DCC: variants seen among roughly 807,000 people sequenced by gnomAD.
DCC encodes netrin receptor DCC.
DCC carries 58 observed loss-of-function variants against 172.5 expected under a neutral mutation model. That is an observed-to-expected ratio of 0.34 (90% CI 0.27 to 0.42). The LOEUF is 0.42. DCC is among the 10% of genes least tolerant of loss of function. The pLI is 1.00. For missense variants in DCC, 1,740 were observed against 1,791.0 expected, an observed-to-expected ratio of 0.97 and a Z score of 0.51; for synonymous variants, 709 against 644.5, an observed-to-expected ratio of 1.10 and a Z score of -1.52.
intron 1 of DCC, among the ~76,000 whole-genome samples, chr18:52,584,445 G>T (rs533288802): frequency 2.0e-5 from 3 of 152,236 alleles, no homozygotes; most frequent in Middle Eastern, 3.4e-3. Context: ...AGAGAGACAG[G>T]ACCAAGCTGA....
chr18:53,157,652 A>G (rs1367181775), intron 8 of DCC, 140 bp downstream of exon 8: 3 of 830,376 alleles, frequency 3.6e-6, no homozygotes, highest in African/African-American at 1.7e-5. Flanking sequence ...CTCATTCCCC[A>G]GTGGAGATGT....
chr18:52,388,198 C>T (rs945967961), intron 1 of DCC, among the ~76,000 whole-genome samples: 5 of 151,938 alleles, frequency 3.3e-5, no homozygotes, highest in Non-Finnish European at 5.9e-5. Flanking sequence ...TTCAACTTCT[C>T]TATTTTTTTT....
intron 1 of DCC, among the ~76,000 whole-genome samples, chr18:52,696,173 A>C (rs1190407905): frequency 6.6e-6 from 1 of 152,240 alleles, no homozygotes; most frequent in Non-Finnish European, 1.5e-5. Context: ...TTAAGATGTG[A>C]AACATCCTTA....
chr18:53,077,192 A>C (rs1406749002), intron 7 of DCC, among the ~76,000 whole-genome samples: 1 of 151,604 alleles, frequency 6.6e-6, no homozygotes, highest in Non-Finnish European at 1.5e-5. Flanking sequence ...AAGCTATTTG[A>C]CCTTGTTCAC....
At chr18:53,327,090 C>T (rs2057476319) in intron 14 of DCC, among the ~76,000 whole-genome samples, 1 of 152,150 alleles carries the variant, frequency 6.6e-6, no homozygotes, top group Non-Finnish European at 1.5e-5. Context: ...TCTGTAGTTC[C>T]TCTTGCCTTC....
chr18:53,142,958 A>G (rs889050516), intron 7 of DCC, among the ~76,000 whole-genome samples: 1 of 135,262 alleles, frequency 7.4e-6, no homozygotes, highest in Non-Finnish European at 1.6e-5. Flanking sequence ...CAATCTGGGT[A>G]TATCCAAAGT....
At chr18:52,640,819 C>T (rs1187676688) in intron 1 of DCC, among the ~76,000 whole-genome samples, 1 of 151,776 alleles carries the variant, frequency 6.6e-6, no homozygotes, top group Admixed American at 6.6e-5. Context: ...CAATATAATC[C>T]CCATCAAAAT....
intron 1 of DCC, among the ~76,000 whole-genome samples, chr18:52,542,828 A>G (rs2032499520): frequency 6.6e-6 from 1 of 152,138 alleles, no homozygotes; most frequent in Admixed American, 6.5e-5. Context: ...GACAAGGGTG[A>G]AACTCCATCT....
intron 15 of DCC, among the ~76,000 whole-genome samples, chr18:53,352,389 C>A (rs1015872667): frequency 1.3e-5 from 2 of 152,028 alleles, no homozygotes; most frequent in Non-Finnish European, 2.9e-5. Flanking sequence ...CCTTTTAATT[C>A]TATCAGATGC....
intron 12 of DCC, among the ~76,000 whole-genome samples, chr18:53,226,702 A>G (rs561797336): frequency 1.3e-5 from 2 of 152,010 alleles, no homozygotes; most frequent in South Asian, 2.1e-4. Context: ...AAACAAACAA[A>G]CAAAACAAAA....
At chr18:53,429,263 G>GACAACTTTTTTCACCTATCATTTGCCC (rs1319248002) in intron 21 of DCC, among the ~76,000 whole-genome samples, 1 of 146,560 alleles carries the variant, frequency 6.8e-6, no homozygotes, top group African/African-American at 2.5e-5. Flanking sequence ...TTTAGAAGAT[G>GACAACTTTTTTCACCTATCATTTGCCC]GTCTCTGCAA....
chr18:52,672,320 T>C (rs2035568783), intron 1 of DCC, among the ~76,000 whole-genome samples: 1 of 152,188 alleles, frequency 6.6e-6, no homozygotes, highest in South Asian at 2.1e-4. Context: ...TACAAGCTAT[T>C]CACTATAAGA....
At chr18:53,129,150 G>T (rs1568321546) in intron 7 of DCC, among the ~76,000 whole-genome samples, 2 of 151,862 alleles carry the variant, frequency 1.3e-5, no homozygotes, top group Non-Finnish European at 2.9e-5. Flanking sequence ...GCCTCCCAAA[G>T]TGCTAGTATT....
chr18:52,664,825 T>C (rs1459218507), intron 1 of DCC, among the ~76,000 whole-genome samples: 1 of 152,174 alleles, frequency 6.6e-6, no homozygotes, highest in South Asian at 2.1e-4. Flanking sequence ...CTTCCTGTTA[T>C]ATGATGCGGC....
rs71175506 is a variant in DCC at position 52,602,400 on chromosome 18, A to AGTGTGTGTGTGTGTGTGT, written c.92-149648_92-149631dup. Among the ~76,000 whole-genome samples the AGTGTGTGTGTGTGTGTGT allele has an allele frequency of 2.6e-3, 385 of 148,732 alleles. 1 individual carries two copies. Among genetic ancestry groups the AGTGTGTGTGTGTGTGTGT allele is most frequent in the East Asian group, 6.9e-3 (35 of 5,056 alleles). On this transcript the variant is annotated intron_variant, in intron 1 of 28. Transcript: ENST00000442544. The stretch of plus-strand genomic sequence containing the variant: ...TGTGTCTGCTTCCCCTTAGTATCAA[A>AGTGTGTGTGTGTGTGTGT]GTGTGTGTGTGTGTGTGTGTGTGAT...
chr18:52,785,359 G>T (rs991217095), intron 2 of DCC, among the ~76,000 whole-genome samples: 3 of 151,910 alleles, frequency 2.0e-5, no homozygotes, highest in Non-Finnish European at 2.9e-5. Flanking sequence ...ATGATTTGGG[G>T]CTGCTTTTCA....
rs58513234 is a variant in DCC, at chr18:52,977,914, G to GAA, written c.985+52552_985+52553dup. ...AAAAAAAGAAAAGAAAAAAGAAAAA[G>GAA]AAAAAAAAAGCATATCTGCTTGGCT... On this transcript the variant is annotated intron_variant, in intron 5 of 28. Coordinates refer to ENST00000442544, the MANE Select transcript of DCC (RefSeq NM_005215.4). Among the ~76,000 whole-genome samples, 432 of 145,716 alleles carry GAA rather than the reference G, an allele frequency of 3.0e-3. 6 individuals carry two copies. Among genetic ancestry groups the GAA allele is most frequent in the African/African-American group, 0.01 (391 of 37,340 alleles).
At chr18:53,439,763 A>ATTTTTATTT (rs1912149119) in intron 22 of DCC, among the ~76,000 whole-genome samples, 1 of 112,496 alleles carries the variant, frequency 8.9e-6, no homozygotes. Context: ...ATGTAGTAGT[A>ATTTTTATTT]TTTTTCTTTT....
intron 21 of DCC, among the ~76,000 whole-genome samples, chr18:53,425,355 C>CTTTT (rs1338640000): frequency 3.5e-5 from 3 of 86,490 alleles, no homozygotes; most frequent in Admixed American, 1.1e-4. Context: ...CGTTTCTCCT[C>CTTTT]TCTTTTTTTT....
Sources: gnomAD v4.1 joint callset for allele counts (sites outside exome capture counted in the v4.1 genomes callset) on GRCh38, gnomAD v4.1.1 for gene constraint, MANE v1.5 for transcripts, NCBI Gene and HGNC (gene_info 2026-07-23, HGNC 2026-07-21) for gene names.